The following FBXW11 variants were observed in gnomAD, a reference collection of about 807,000 sequenced individuals.
FBXW11 encodes the protein F-box/WD repeat-containing protein 11.
Under a neutral mutation model 77.6 loss-of-function variants are expected in FBXW11, and 19 were observed. The observed-to-expected ratio is 0.24, with a 90% CI of 0.17 to 0.36. The LOEUF is 0.36. Among genes scored for constraint, FBXW11 ranks in the 10% least tolerant of loss-of-function variants. FBXW11 has a pLI of 1.00. For synonymous variants in FBXW11, 235 were observed against 249.4 expected (o/e 0.94, Z 0.54); for missense variants, 334 against 704.2 (o/e 0.47, Z 5.95).
intron 1 of FBXW11, among the ~76,000 whole-genome samples, chr5:171,989,213 C>T (rs143641852): frequency 3.9e-4 from 59 of 152,294 alleles, no homozygotes; most frequent in African/African-American, 1.3e-3. Flanking sequence ...TTTGCAACCC[C>T]TATTGTAATA....
intron 1 of FBXW11, among the ~76,000 whole-genome samples, chr5:171,964,372 C>A (rs1048989493): frequency 2.0e-5 from 3 of 152,230 alleles, no homozygotes; most frequent in African/African-American, 7.2e-5. Flanking sequence ...GAATCTCTAG[C>A]CATGAGTGAG....
intron 2 of FBXW11, among the ~76,000 whole-genome samples, chr5:171,949,183 G>C (rs1036020522): frequency 6.6e-6 from 1 of 152,206 alleles, no homozygotes; most frequent in African/African-American, 2.4e-5. Context: ...TGTGGATGAT[G>C]AGCTTACAAA....
intron 2 of FBXW11, among the ~76,000 whole-genome samples, chr5:171,930,918 CA>C (rs1249232738): frequency 2.0e-5 from 3 of 151,926 alleles, no homozygotes; most frequent in African/African-American, 7.2e-5. Flanking sequence ...AAATTAAAAA[CA>C]TATTACCATT....
At position 171,982,673 on chromosome 5, in the gene FBXW11, G is replaced by A. The variant is rs1486862917; in HGVS notation, c.45+23785C>T. ...CATTTAGAAGACAGTTTAGCAGTGT[G>A]GTGTTATGACACATACATACTGGTT... On this transcript the variant is annotated intron_variant, in intron 1 of 13. Coordinates refer to ENST00000517395, the MANE Select transcript of FBXW11 (RefSeq NM_001378974.1). Among the ~76,000 whole-genome samples the A allele has an allele frequency of 1.3e-5, 2 of 152,134 alleles. 1 individual carries two copies. Among genetic ancestry groups the A allele is most frequent in the African/African-American group, 4.8e-5 (2 of 41,428 alleles).
intron 2 of FBXW11, among the ~76,000 whole-genome samples, chr5:171,935,494 A>G (rs781538602): frequency 9.9e-5 from 15 of 152,226 alleles, no homozygotes; most frequent in Non-Finnish European, 1.9e-4. Flanking sequence ...GCTCCAGGTA[A>G]TAGGGGAAAC....
chr5:171,872,461 G>A (rs1481563863), intron 10 of FBXW11, among the ~76,000 whole-genome samples: 2 of 152,214 alleles, frequency 1.3e-5, no homozygotes, highest in African/African-American at 4.8e-5. Flanking sequence ...GAAGGAAAAA[G>A]AGAGGTAAAT....
At chr5:171,969,842 T>C (rs1764427899) in intron 1 of FBXW11, among the ~76,000 whole-genome samples, 2 of 152,118 alleles carry the variant, frequency 1.3e-5, no homozygotes, top group South Asian at 4.1e-4. Context: ...GAGCTGGGAT[T>C]ACAGGTGTGC....
In FBXW11 at chr5:171,863,803, T is replaced by C. The variant is rs754822830; in HGVS notation, c.*324A>G. 1 of 152,688 alleles carries C rather than the reference T, an allele frequency of 6.5e-6. No individual in the cohort carries two copies. Among genetic ancestry groups the C allele is most frequent in the Admixed American group, 6.5e-5 (1 of 15,284 alleles). The allele number at this position is 152,688 out of a possible 1,614,324, so 9.5% of individuals were successfully genotyped here. A position where few individuals can be genotyped will look rare whatever the true frequency, so the allele number is the denominator to read the frequency against. Reference sequence around the variant, plus strand: ...CCAAGTCTTCTCTTGACGGTCGATTTACTTCTGTAAAACAGATTCTATGTT... The same window carrying C: ...CCAAGTCTTCTCTTGACGGTCGATTCACTTCTGTAAAACAGATTCTATGTT... On this transcript the variant is annotated 3_prime_UTR_variant, in exon 14 of 14. Transcript: ENST00000517395.
chr5:171,934,120 C>T (rs1025285253), intron 2 of FBXW11, among the ~76,000 whole-genome samples: 46 of 152,122 alleles, frequency 3.0e-4, no homozygotes, highest in African/African-American at 1.1e-3. Flanking sequence ...TGCCTTAGTG[C>T]GTAAGCGCAT....
chr5:171,927,807 A>G (rs1761969838), intron 2 of FBXW11, among the ~76,000 whole-genome samples: 2 of 152,220 alleles, frequency 1.3e-5, no homozygotes, highest in African/African-American at 4.8e-5. Flanking sequence ...CTTCATGCCT[A>G]CTCTGACAAT....
chr5:171,897,410 C>T (rs1009266804), intron 6 of FBXW11, among the ~76,000 whole-genome samples: 2 of 152,134 alleles, frequency 1.3e-5, no homozygotes, highest in African/African-American at 4.8e-5. Flanking sequence ...GGTAGACCAC[C>T]ATGATGTAGA....
intron 1 of FBXW11, among the ~76,000 whole-genome samples, chr5:171,965,033 AG>A (rs1392927796): frequency 6.6e-6 from 1 of 152,172 alleles, no homozygotes; most frequent in African/African-American, 2.4e-5. Flanking sequence ...AGAAGTAGGC[AG>A]GAAGGGGAGA....
At chr5:171,875,172 T>C (rs986295388) in intron 9 of FBXW11, among the ~76,000 whole-genome samples, 6 of 151,804 alleles carry the variant, frequency 4.0e-5, no homozygotes, top group African/African-American at 1.5e-4. Flanking sequence ...ATCCCAACAC[T>C]TTGGGAGGCC....
intron 1 of FBXW11, among the ~76,000 whole-genome samples, chr5:171,999,820 C>A (rs1581100956): frequency 6.8e-6 from 1 of 147,038 alleles, no homozygotes; most frequent in East Asian, 1.9e-4. Flanking sequence ...GCCAAAGAGC[C>A]AAAGCTTTTT....
At chr5:171,961,772 G>A (rs1010401480) in intron 1 of FBXW11, among the ~76,000 whole-genome samples, 3 of 151,960 alleles carry the variant, frequency 2.0e-5, no homozygotes. Flanking sequence ...TCAGCCTCCC[G>A]AGTAACTGGG....
At chr5:171,957,411 C>T (rs564881383) in intron 2 of FBXW11, among the ~76,000 whole-genome samples, 186 bp downstream of exon 2, 1 of 152,164 alleles carries the variant, frequency 6.6e-6, no homozygotes, top group East Asian at 1.9e-4. Flanking sequence ...GCCAAAGACC[C>T]GTTTGCTCAA....
chr5:171,954,772 A>T (rs564708744), intron 2 of FBXW11, among the ~76,000 whole-genome samples: 1 of 152,312 alleles, frequency 6.6e-6, no homozygotes, highest in South Asian at 2.1e-4. Flanking sequence ...TTTCTACAGA[A>T]TTTGGCAGGT....
At chr5:171,933,008 G>C (rs1762296060) in intron 2 of FBXW11, among the ~76,000 whole-genome samples, 1 of 146,920 alleles carries the variant, frequency 6.8e-6, no homozygotes, top group Admixed American at 6.9e-5. Context: ...GAATGCACCT[G>C]TTGTTCCAGC....
intron 1 of FBXW11, among the ~76,000 whole-genome samples, chr5:171,979,144 A>AT (rs1765009351): frequency 6.6e-6 from 1 of 152,094 alleles, no homozygotes; most frequent in African/African-American, 2.4e-5. Context: ...CAAAAACCCT[A>AT]TATTTTGTCT....
Sources: gnomAD v4.1 joint callset for allele counts (sites outside exome capture counted in the v4.1 genomes callset) on GRCh38, gnomAD v4.1.1 for gene constraint, MANE v1.5 for transcripts, NCBI Gene and HGNC (gene_info 2026-07-23, HGNC 2026-07-21) for gene names.